Variants in NRXN2 observed in about 807,000 individuals in gnomAD.
NRXN2 encodes neurexin-2-beta.
NRXN2 carries 29 observed loss-of-function variants against 128.8 expected under a neutral mutation model. That is an observed-to-expected ratio of 0.23 (90% CI 0.17 to 0.31). The LOEUF (loss-of-function observed/expected upper bound fraction) is 0.31. Among genes scored for constraint, NRXN2 ranks in the 10% least tolerant of loss-of-function variants. The pLI is 1.00. For synonymous variants in NRXN2, 1,098 were observed against 1,075.2 expected (o/e 1.02, Z -0.41); for missense variants, 1,881 against 2,452.6 (o/e 0.77, Z 4.92).
In NRXN2 at chr11:64,630,562, G is replaced by A; in HGVS notation, c.3597C>T (p.Thr1199=). 2 of 1,613,856 alleles carry A rather than the reference G, an allele frequency of 1.2e-6. No individual in the cohort carries two copies. Among genetic ancestry groups the A allele is most frequent in the Admixed American group, 1.7e-5 (1 of 60,030 alleles). ...TGCCCACGTTAAAGATCACCCCCAC[G>A]GTGCCCTGGTCCTGGGGACATGGAG... The part of the protein sequence containing the change: ...DYLQLHIDQG[T]VGVIFNVGTD... Residue 1199 remains threonine (T), a synonymous_variant, in exon 19 of 23, where the codon ACC becomes ACT. Coordinates refer to ENST00000265459, the MANE Select transcript of NRXN2 (RefSeq NM_015080.4). This position sits in a 1 kb window ranked among gnomAD's most constrained non-coding sequence, Gnocchi z 4.6.
intron 17 of NRXN2, among the ~76,000 whole-genome samples, chr11:64,641,512 G>C (rs1332269874): frequency 1.3e-5 from 2 of 152,086 alleles, no homozygotes; most frequent in Admixed American, 1.3e-4. Context: ...GGGGAGGACA[G>C]AGCTTGGGAG....
intron 1 of NRXN2, among the ~76,000 whole-genome samples, chr11:64,719,525 G>A (rs2057379521): frequency 6.6e-6 from 1 of 152,234 alleles, no homozygotes; most frequent in Non-Finnish European, 1.5e-5. Context: ...ATGGAGAGAA[G>A]CATGGAGCGG....
At chr11:64,712,736 G>A (rs1397887409) in intron 2 of NRXN2, 3 of 665,982 alleles carry the variant, frequency 4.5e-6, no homozygotes, top group Non-Finnish European at 8.5e-6. Flanking sequence ...GTCGCCGCAG[G>A]ACTCACGCTG....
intron 1 of NRXN2, among the ~76,000 whole-genome samples, chr11:64,718,657 G>C (rs941479748): frequency 6.6e-6 from 1 of 152,146 alleles, no homozygotes; most frequent in Non-Finnish European, 1.5e-5. Context: ...GGCTCGGTGT[G>C]GGGGAGGCTC....
chr11:64,607,011 T>G lies in NRXN2; in HGVS notation c.*185A>C. 3.1e-6 allele frequency: 2 copies of G among 650,132 alleles called. No individual in the cohort carries two copies. The highest frequency in any genetic ancestry group is 2.6e-6 in the Non-Finnish European group (1 of 385,734). The allele number at this position is 650,132 out of a possible 1,614,324, so 40.3% of individuals were successfully genotyped here. Reference sequence around the variant, plus strand: ...CCCCGGGACTGACGAGGCCGCGCAGTGGACGGCAGGAGGAAGGGGGCGAGC... The same window carrying G: ...CCCCGGGACTGACGAGGCCGCGCAGGGGACGGCAGGAGGAAGGGGGCGAGC... On this transcript the variant is annotated 3_prime_UTR_variant, in exon 23 of 23. Coordinates refer to ENST00000265459, the MANE Select transcript of NRXN2 (RefSeq NM_015080.4).
In NRXN2 at chr11:64,661,153, G is replaced by C. The variant is rs147361630; in HGVS notation, c.1799-14C>G. On this transcript the variant is annotated splice_polypyrimidine_tract_variant and intron_variant, in intron 9 of 22. Coordinates refer to ENST00000265459, the MANE Select transcript of NRXN2 (RefSeq NM_015080.4). ...CTGAGATGGAGCCTGGGAATCAAGG[G>C]AAGGCAGGATGGAGAAAAGCCACAG... 4.9e-4 allele frequency: 788 copies of C among 1,613,338 alleles called. 12 individuals carry two copies. In the East Asian group the frequency reaches 0.013, roughly 26 times the overall value.
rs1450454762 is a variant in NRXN2, at chr11:64,622,706, T to G, written c.4173+47A>C. The G allele has an allele frequency of 6.3e-7, 1 of 1,580,760 alleles. No individual in the cohort carries two copies. The highest frequency in any genetic ancestry group is 1.7e-5 in the Admixed American group (1 of 59,458). On this transcript the variant is annotated intron_variant, in intron 21 of 22. Transcript: ENST00000265459. The surrounding 1 kb of genome is among the most constrained non-coding windows in gnomAD (Gnocchi z 4.3). ...TGTGGCTATGCAGATATCAACCCCA[T>G]CCCCACCTATCCCTGCCCTAATCCA... is the stretch of plus-strand genomic sequence containing the variant.
Position 64,630,698 on chromosome 11 carries a change from C to A in NRXN2, c.3586-125G>T. The A allele has an allele frequency of 2.7e-6, 3 of 1,130,184 alleles. No individual in the cohort carries two copies. The highest frequency in any genetic ancestry group is 3.9e-6 in the Non-Finnish European group (3 of 775,240). The allele number at this position is 1,130,184 out of a possible 1,614,324, so 70.0% of individuals were successfully genotyped here. A position where few individuals can be genotyped will look rare whatever the true frequency, so the allele number is the denominator to read the frequency against. On this transcript the variant is annotated intron_variant, in intron 18 of 22. Transcript: ENST00000265459. This position sits in a 1 kb window ranked among gnomAD's most constrained non-coding sequence, Gnocchi z 4.6. ...TTAAGGCACCTTTCCCAGGTCTCAA[C>A]CGCTGGAGGAGGTGGGCAGGCTCGC...
chr11:64,620,896 T>C (rs2042241155), intron 21 of NRXN2, among the ~76,000 whole-genome samples: 1 of 151,390 alleles, frequency 6.6e-6, no homozygotes. Context: ...AGGGCTGTGG[T>C]TGCCATGACG....
intron 12 of NRXN2, 45 bp from the exon 13 acceptor site, chr11:64,652,199 A>G (rs1414933613): frequency 6.3e-7 from 1 of 1,584,382 alleles, no homozygotes. Context: ...ATACATGCTC[A>G]TAGGTGACTT....
chr11:64,643,177 G>A (rs1261653724), intron 17 of NRXN2: 1 of 980,122 alleles, frequency 1.0e-6, no homozygotes, highest in Non-Finnish European at 1.2e-6. Context: ...GCAGGGAGGG[G>A]AGAGCGAGGG....
Position 64,688,236 on chromosome 11 carries a change from G to A in NRXN2, c.850+2169C>T, listed in dbSNP as rs749593701. 6.6e-4 allele frequency: 631 copies of A among 953,640 alleles called. 1 individual carries two copies. The highest frequency in any genetic ancestry group is 7.7e-4 in the Non-Finnish European group (616 of 801,058). The allele number at this position is 953,640 out of a possible 1,614,324, so 59.1% of individuals were successfully genotyped here. A position where few individuals can be genotyped will look rare whatever the true frequency, so the allele number is the denominator to read the frequency against. ...GCCCTGCCTCCAGTCTCCTGGGGTGGGTGGCAAAGCTAGCTACTCTGGAGC... is the reference window on the plus strand; with the variant it reads ...GCCCTGCCTCCAGTCTCCTGGGGTGAGTGGCAAAGCTAGCTACTCTGGAGC... On this transcript the variant is annotated intron_variant, in intron 5 of 22. Coordinates refer to ENST00000265459, the MANE Select transcript of NRXN2 (RefSeq NM_015080.4).
chr11:64,615,843 TGTGTG>T (rs1162139755), intron 22 of NRXN2, among the ~76,000 whole-genome samples: 3 of 104,262 alleles, frequency 2.9e-5, no homozygotes, highest in Non-Finnish European at 5.8e-5. Context: ...TGTGTGTGTG[TGTGTG>T]TGTGTGTGTG....
At chr11:64,645,047 G>A (rs1186688234) in intron 17 of NRXN2, among the ~76,000 whole-genome samples, 1 of 152,180 alleles carries the variant, frequency 6.6e-6, no homozygotes, top group African/African-American at 2.4e-5. Flanking sequence ...GGCACCCAGA[G>A]GAGGCTTCCG....
intron 17 of NRXN2, among the ~76,000 whole-genome samples, chr11:64,641,143 G>A (rs571102066): frequency 2.6e-5 from 4 of 152,156 alleles, no homozygotes; most frequent in South Asian, 2.1e-4. Context: ...GGGAGGCGAC[G>A]GACATGGAAG....
At chr11:64,653,751 GA>G in intron 11 of NRXN2, 29 bp from the exon 12 acceptor site, 1 of 1,527,230 alleles carries the variant, frequency 6.5e-7, no homozygotes, top group Non-Finnish European at 8.9e-7. Flanking sequence ...GGGCAGAGGG[GA>G]AGGGGAGACA....
At chr11:64,704,656 AGAGAGAGAGAG>A (rs2056016052) in intron 2 of NRXN2, among the ~76,000 whole-genome samples, 1 of 150,926 alleles carries the variant, frequency 6.6e-6, no homozygotes, top group Non-Finnish European at 1.5e-5. Flanking sequence ...AGAGAGAGAG[AGAGAGAGAGAG>A]AGAGATGTCA....
At chr11:64,652,335 T>C (rs1198396917) in intron 12 of NRXN2, among the ~76,000 whole-genome samples, 181 bp from the exon 13 acceptor site, 2 of 152,122 alleles carry the variant, frequency 1.3e-5, no homozygotes, top group Non-Finnish European at 2.9e-5. Flanking sequence ...CACACACTTA[T>C]AGCCTCCCAT....
chr11:64,612,459 G>A (rs985978138), intron 22 of NRXN2, among the ~76,000 whole-genome samples: 1 of 152,124 alleles, frequency 6.6e-6, no homozygotes, highest in African/African-American at 2.4e-5. Flanking sequence ...GATGCCACCC[G>A]CCCACCCAAC....
Sources: gnomAD v4.1 joint callset for allele counts (sites outside exome capture counted in the v4.1 genomes callset) on GRCh38, gnomAD v4.1.1 for gene constraint, Gnocchi (gnomAD v3.1) non-coding constraint, MANE v1.5 for transcripts, NCBI Gene and HGNC (gene_info 2026-07-23, HGNC 2026-07-21) for gene names.